SLC2A9: variants seen among roughly 807,000 people sequenced by gnomAD.
SLC2A9 encodes solute carrier family 2, facilitated glucose transporter member 9.
A neutral mutation model predicts 50.6 loss-of-function variants in SLC2A9; 39 were observed. The observed-to-expected ratio is 0.77, with a 90% CI of 0.60 to 1.01. SLC2A9 has a LOEUF of 1.01. Among genes scored for constraint, SLC2A9 ranks in the 50% least tolerant of loss-of-function variants. The pLI is 0.00. For synonymous variants in SLC2A9, 324 were observed against 276.9 expected (o/e 1.17, Z -1.69); for missense variants, 686 against 677.6 (o/e 1.01, Z -0.14).
chr4:10,028,658 C>T (rs868437572), intron 1 of SLC2A9, among the ~76,000 whole-genome samples: 3 of 152,168 alleles, frequency 2.0e-5, no homozygotes, highest in African/African-American at 4.8e-5. Context: ...GGAAGGGGGG[C>T]GGTTACTTAC....
At chr4:9,875,682 T>C (rs1323757897) in intron 10 of SLC2A9, among the ~76,000 whole-genome samples, 1 of 152,164 alleles carries the variant, frequency 6.6e-6, no homozygotes, top group Non-Finnish European at 1.5e-5. Flanking sequence ...CAGGTAAAGC[T>C]CTTAACCGCT....
At chr4:9,823,128 A>G (rs1469442930), downstream of SLC2A9, among the ~76,000 whole-genome samples, 1 of 152,194 alleles carries the variant, frequency 6.6e-6, no homozygotes, top group Non-Finnish European at 1.5e-5. Flanking sequence ...AGCCAGAACT[A>G]GCAGCTGGAA....
downstream of SLC2A9, among the ~76,000 whole-genome samples, chr4:9,822,607 T>C (rs1351040667): frequency 2.0e-5 from 3 of 152,228 alleles, no homozygotes; most frequent in Non-Finnish European, 4.4e-5. Context: ...ACATAGCATA[T>C]AGATGGGCCT....
chr4:9,995,191 G>C (rs1021494624), intron 3 of SLC2A9, among the ~76,000 whole-genome samples: 3 of 152,130 alleles, frequency 2.0e-5, no homozygotes, highest in Non-Finnish European at 2.9e-5. Flanking sequence ...AATTAAACAA[G>C]AGAATGTGTG....
rs566731750 is a variant in SLC2A9, at chr4:9,965,674, T to G, written c.681+14918A>C. ...CCCAAAATCCCAATTGAAAACATTGTTCTAAATAATTAATCTGTATTCATT... is the reference window on the plus strand; with the variant it reads ...CCCAAAATCCCAATTGAAAACATTGGTCTAAATAATTAATCTGTATTCATT... On this transcript the variant is annotated intron_variant, in intron 5 of 11. Transcript: ENST00000264784. 3.3e-5 allele frequency among the ~76,000 whole-genome samples: 5 copies of G among 152,352 alleles called. No individual in the cohort carries two copies. In the South Asian group the frequency reaches 1.0e-3, roughly 32 times the overall value.
intron 3 of SLC2A9, among the ~76,000 whole-genome samples, 159 bp downstream of exon 3, chr4:9,996,622 C>T (rs2109288081): frequency 6.6e-6 from 1 of 152,260 alleles, no homozygotes; most frequent in South Asian, 2.1e-4. Flanking sequence ...TATCTTTGGA[C>T]CTTGGTCTCT....
At chr4:9,836,636 C>A (rs1477765664) in intron 10 of SLC2A9, among the ~76,000 whole-genome samples, 2 of 152,242 alleles carry the variant, frequency 1.3e-5, no homozygotes, top group African/African-American at 4.8e-5. Context: ...GCCAATGAAG[C>A]AGCCTCTTGT....
rs560898566 is a variant in SLC2A9, at chr4:9,921,923, G to GT, written c.815-1352dup. 4.7e-3 allele frequency among the ~76,000 whole-genome samples: 701 copies of GT among 149,140 alleles called. 3 individuals carry two copies. Among genetic ancestry groups the GT allele is most frequent in the African/African-American group, 0.015 (608 of 40,646 alleles). ...AAATAAGGATAACTTCATAACCTAT[G>GT]TTTTTTTTTTCTCTTTTCACCATGG... On this transcript the variant is annotated intron_variant, in intron 6 of 11. Transcript: ENST00000264784.
At chr4:9,969,236 A>G (rs906135949) in intron 5 of SLC2A9, among the ~76,000 whole-genome samples, 10 of 152,162 alleles carry the variant, frequency 6.6e-5, no homozygotes, top group Non-Finnish European at 7.3e-5. Context: ...TGTTATTGGT[A>G]TATATGTTCT....
chr4:10,034,592 C>T (rs1764039369), intron 1 of SLC2A9: 1 of 152,374 alleles, frequency 6.6e-6, no homozygotes, highest in South Asian at 2.1e-4. Context: ...GAGTTCTGAT[C>T]CTGCCTCTTC....
intron 11 of SLC2A9, among the ~76,000 whole-genome samples, chr4:9,829,848 A>C (rs1390552659): frequency 6.6e-6 from 1 of 152,220 alleles, no homozygotes; most frequent in Admixed American, 6.5e-5. Context: ...GCGATTATTA[A>C]AAAGTCAAGA....
chr4:10,039,764 C>A (rs376425462), intron 1 of SLC2A9, among the ~76,000 whole-genome samples: 3 of 152,218 alleles, frequency 2.0e-5, no homozygotes, highest in Non-Finnish European at 4.4e-5. Context: ...TACAGCATCC[C>A]TGGAGTCATC....
intron 10 of SLC2A9, among the ~76,000 whole-genome samples, chr4:9,869,784 A>G (rs984687774): frequency 1.3e-5 from 2 of 152,230 alleles, no homozygotes; most frequent in African/African-American, 2.4e-5. Context: ...AGAGGAGGCC[A>G]AAGTGTTTAT....
chr4:9,776,195 T>A (rs1002241921), downstream of SLC2A9, among the ~76,000 whole-genome samples: 78 of 151,324 alleles, frequency 5.2e-4, 1 homozygote, highest in Non-Finnish European at 2.7e-4. Flanking sequence ...TTCTTTTTTT[T>A]TTTTTTTGAC....
chr4:9,772,892 A>G (rs1193445854), intron 1 of SLC2A9, among the ~76,000 whole-genome samples: 8 of 151,302 alleles, frequency 5.3e-5, no homozygotes, highest in Admixed American at 5.3e-4. Context: ...TTACATATGT[A>G]TACATGTGCC....
intron 5 of SLC2A9, among the ~76,000 whole-genome samples, chr4:9,977,985 C>G (rs1372717916): frequency 6.6e-6 from 1 of 152,220 alleles, no homozygotes; most frequent in African/African-American, 2.4e-5. Flanking sequence ...ATGCCATCGA[C>G]TGGCGGGACA....
At chr4:9,920,020 G>A (rs772746235) in intron 7 of SLC2A9, among the ~76,000 whole-genome samples, 3 of 152,104 alleles carry the variant, frequency 2.0e-5, no homozygotes, top group Non-Finnish European at 2.9e-5. Flanking sequence ...CCAGTCAAGA[G>A]TACTTTTATG....
chr4:9,984,914 T>G (rs1756455953), intron 4 of SLC2A9, among the ~76,000 whole-genome samples: 1 of 152,216 alleles, frequency 6.6e-6, no homozygotes, highest in Non-Finnish European at 1.5e-5. Flanking sequence ...TTATGTGATC[T>G]GGCCCCAGCT....
chr4:10,008,410 C>A (rs565026055), intron 2 of SLC2A9, among the ~76,000 whole-genome samples: 5 of 152,276 alleles, frequency 3.3e-5, no homozygotes, highest in African/African-American at 1.2e-4. Flanking sequence ...CAAACCAAAC[C>A]AAACAATGAC....
Sources: gnomAD v4.1 joint callset for allele counts (sites outside exome capture counted in the v4.1 genomes callset) on GRCh38, gnomAD v4.1.1 for gene constraint, MANE v1.5 for transcripts, NCBI Gene and HGNC (gene_info 2026-07-23, HGNC 2026-07-21) for gene names.